The following CHRNA6 variants were observed in gnomAD, a reference collection of about 807,000 sequenced individuals.
CHRNA6 encodes cholinergic receptor nicotinic alpha 6 subunit, also known as neuronal acetylcholine receptor subunit alpha-6.
A neutral mutation model predicts 40.9 loss-of-function variants in CHRNA6; 31 were observed. The ratio of observed to expected loss-of-function variants is 0.76; its 90% CI spans 0.57 to 1.02. The LOEUF (loss-of-function observed/expected upper bound fraction) is 1.02. CHRNA6 is among the 50% of genes least tolerant of loss of function. The probability of loss-of-function intolerance (pLI) is 0.00; values close to 1 mark genes in which losing one functional copy is unlikely to be tolerated. For synonymous variants in CHRNA6, 222 were observed against 221.3 expected, an observed-to-expected ratio of 1.00 and a Z score of -0.03; for missense variants, 546 against 596.6, an observed-to-expected ratio of 0.92 and a Z score of 0.88.
chr8:42,764,400 T>C (rs1816944666), intron 2 of CHRNA6, among the ~76,000 whole-genome samples: 1 of 152,022 alleles, frequency 6.6e-6, no homozygotes, highest in South Asian at 2.1e-4. Context: ...CAATCTCGGC[T>C]CACTGCAGCC....
In CHRNA6 at chr8:42,756,986, C is replaced by T. The variant is rs772909612; in HGVS notation, c.316G>A (p.Glu106Lys). ...TTATCTGCAGGAACGCGAAGAGTCT[C>T]AATGCCATCATATTCCATTGGATCC... Reference protein sequence around the residue: ...RWDPMEYDGIETLRVPADKIW... With the variant: ...RWDPMEYDGIKTLRVPADKIW... The change falls in exon 4 of 6, where the codon GAG becomes AAG. Residue 106 changes from glutamate (E) to lysine (K), a missense_variant. By Grantham distance (56) the Glu-to-Lys change is moderately conservative. This residue lies in a region of CHRNA6 where 476 missense variants were observed against 494.5 expected (regional missense o/e 0.96). Coordinates refer to ENST00000276410, the MANE Select transcript of CHRNA6 (RefSeq NM_004198.3). 1 of 1,613,982 alleles carries T rather than the reference C, an allele frequency of 6.2e-7. No homozygotes were observed. The highest frequency in any genetic ancestry group is 1.7e-5 in the Admixed American group (1 of 60,030).
In CHRNA6 at chr8:42,752,877, T is replaced by C; in HGVS notation, c.*302A>G. 1 of 248,242 alleles carries C rather than the reference T, an allele frequency of 4.0e-6. No individual in the cohort carries two copies. The allele number at this position is 248,242 out of a possible 1,614,324, so 15.4% of individuals were successfully genotyped here. ...TGTTAATTACATAATTAGGCTGTATTGTAAGTCATTCTTGTCTTTAGAAGC... is the reference window on the plus strand; with the variant it reads ...TGTTAATTACATAATTAGGCTGTATCGTAAGTCATTCTTGTCTTTAGAAGC... On this transcript the variant is annotated 3_prime_UTR_variant, in exon 6 of 6. Coordinates refer to ENST00000276410, the MANE Select transcript of CHRNA6 (RefSeq NM_004198.3).
rs984086531 is a variant in CHRNA6 at position 42,752,625 on chromosome 8, T to G, written c.*554A>C. On this transcript the variant is annotated 3_prime_UTR_variant, in exon 6 of 6. Coordinates refer to ENST00000276410, the MANE Select transcript of CHRNA6 (RefSeq NM_004198.3). ...CACCACACCTGACCAAACTGTTTTTTTTTTTTTTTTTTTAAAACTAACAAT... is the reference window on the plus strand; with the variant it reads ...CACCACACCTGACCAAACTGTTTTTGTTTTTTTTTTTTTAAAACTAACAAT... 8.8e-5 allele frequency: 13 copies of G among 147,138 alleles called. No individual in the cohort carries two copies. Among genetic ancestry groups the G allele is most frequent in the African/African-American group, 3.1e-4 (12 of 38,212 alleles). 9.1% of individuals were successfully genotyped at this position (147,138 alleles called of 1,614,324 possible).
chr8:42,766,684 A>G (rs546976541), intron 1 of CHRNA6, among the ~76,000 whole-genome samples: 120 of 152,186 alleles, frequency 7.9e-4, no homozygotes, highest in Non-Finnish European at 1.6e-3. Context: ...GGGGAGCTGA[A>G]CAATGAGGAC....
At chr8:42,759,692 G>T (rs1816867128) in intron 2 of CHRNA6, among the ~76,000 whole-genome samples, 1 of 152,064 alleles carries the variant, frequency 6.6e-6, no homozygotes, top group African/African-American at 2.4e-5. Flanking sequence ...GAGGTTAGGA[G>T]TTCGAGACCA....
intron 2 of CHRNA6, among the ~76,000 whole-genome samples, chr8:42,760,390 A>G (rs1331923966): frequency 1.3e-5 from 2 of 151,954 alleles, no homozygotes; most frequent in Admixed American, 6.6e-5. Flanking sequence ...CCACTCATGA[A>G]TTCTCATACA....
At chr8:42,765,227 G>A in intron 1 of CHRNA6, 23 bp from the exon 2 acceptor site, 1 of 1,611,508 alleles carries the variant, frequency 6.2e-7, no homozygotes, top group East Asian at 2.2e-5. Flanking sequence ...ACAAAGGGGA[G>A]AGTTAGAGCC....
chr8:42,756,904 G>GCTA (rs1475714474), intron 4 of CHRNA6, 24 bp downstream of exon 4: 6 of 1,610,250 alleles, frequency 3.7e-6, no homozygotes, highest in Middle Eastern at 1.6e-4. Context: ...TTGGAAAGAG[G>GCTA]CTACGGTGGT....
At chr8:42,762,867 G>A (rs569657623) in intron 2 of CHRNA6, among the ~76,000 whole-genome samples, 75 of 152,318 alleles carry the variant, frequency 4.9e-4, no homozygotes, top group Middle Eastern at 3.4e-3. Context: ...GGGCAGATTA[G>A]TGGGAGAAAC....
At chr8:42,753,434 A>T in intron 5 of CHRNA6, 124 bp from the exon 6 acceptor site, 1 of 913,680 alleles carries the variant, frequency 1.1e-6, no homozygotes, top group Non-Finnish European at 1.7e-6. Flanking sequence ...TAAAGCAAAT[A>T]TCAGCTGGGT....
chr8:42,766,468 G>GGC (rs1816976418), intron 1 of CHRNA6, among the ~76,000 whole-genome samples: 1 of 147,246 alleles, frequency 6.8e-6, no homozygotes, highest in South Asian at 2.1e-4. Flanking sequence ...CTCCAGCCTG[G>GGC]GCGACAGAGT....
In CHRNA6 at chr8:42,753,096, G is replaced by A. The variant is rs74432466; in HGVS notation, c.*83C>T. The A allele has an allele frequency of 7.5e-7, 1 of 1,338,648 alleles. No individual in the cohort carries two copies. Among genetic ancestry groups the A allele is most frequent in the African/African-American group, 1.5e-5 (1 of 68,012 alleles). The allele number at this position is 1,338,648 out of a possible 1,614,324, so 82.9% of individuals were successfully genotyped here. On this transcript the variant is annotated 3_prime_UTR_variant, in exon 6 of 6. Transcript: ENST00000276410. ...AGCAGATGGGGGACTTGGGTGGGAA[G>A]CCTTTGCTTTCCTTTCCTTGTGGCA...
chr8:42,756,989 T>C lies in CHRNA6; in HGVS notation c.313A>G (p.Ile105Val), dbSNP rs762757187. ...LRWDPMEYDG[I>V]ETLRVPADKI... ...TCTGCAGGAACGCGAAGAGTCTCAA[T>C]GCCATCATATTCCATTGGATCCCAG... Residue 105 changes from isoleucine (I) to valine (V), a missense_variant, in exon 4 of 6, where the codon ATT (isoleucine) becomes GTT (valine). By Grantham distance (29) the Ile-to-Val change is conservative. This residue lies in a region of CHRNA6 where 476 missense variants were observed against 494.5 expected (regional missense o/e 0.96). Coordinates refer to ENST00000276410, the MANE Select transcript of CHRNA6 (RefSeq NM_004198.3). 2.5e-6 allele frequency: 4 copies of C among 1,613,840 alleles called. No individual in the cohort carries two copies. In the South Asian group the frequency reaches 4.4e-5, roughly 18 times the overall value.
intron 1 of CHRNA6, 59 bp from the exon 2 acceptor site, chr8:42,765,263 A>T: frequency 1.0e-5 from 16 of 1,570,798 alleles, no homozygotes; most frequent in Non-Finnish European, 1.4e-5. Context: ...CACTGCAGCG[A>T]TTCTAGGCAA....
At chr8:42,768,126 C>T (rs915215943) in intron 1 of CHRNA6, among the ~76,000 whole-genome samples, 1 of 152,178 alleles carries the variant, frequency 6.6e-6, no homozygotes, top group African/African-American at 2.4e-5. Flanking sequence ...TGGGTTTGCA[C>T]TATGTTTCCT....
Position 42,765,104 on chromosome 8 carries a change from C to A in CHRNA6, c.180G>T (p.Thr60=), listed in dbSNP as rs369926018. The change falls in exon 2 of 6, where the codon ACG becomes ACT. Residue 60 remains threonine, a synonymous_variant. Coordinates refer to ENST00000276410, the MANE Select transcript of CHRNA6 (RefSeq NM_004198.3). ...GGGTGATGGCCACTTCAAAGTGTAC[C>A]GTGACAGGGTCGGAAACGTTTTCCA... is the stretch of plus-strand genomic sequence containing the variant. ...RPVENVSDPV[T]VHFEVAITQL... 3.7e-6 allele frequency: 6 copies of A among 1,614,044 alleles called. No individual in the cohort carries two copies. Among genetic ancestry groups the A allele is most frequent in the Non-Finnish European group, 5.1e-6 (6 of 1,180,030 alleles).
At chr8:42,762,075 G>A (rs1563625910) in intron 2 of CHRNA6, among the ~76,000 whole-genome samples, 2 of 152,092 alleles carry the variant, frequency 1.3e-5, no homozygotes, top group Non-Finnish European at 2.9e-5. Context: ...CTTCCAGGTA[G>A]AGCCCTGGTG....
intron 1 of CHRNA6, among the ~76,000 whole-genome samples, chr8:42,767,068 T>C (rs1296455325): frequency 1.3e-5 from 2 of 152,142 alleles, no homozygotes; most frequent in Admixed American, 6.5e-5. Flanking sequence ...CCCAGGTTCA[T>C]GCCATTCTCC....
At chr8:42,757,994 C>G (rs1458641584) in intron 3 of CHRNA6, among the ~76,000 whole-genome samples, 1 of 151,470 alleles carries the variant, frequency 6.6e-6, no homozygotes. Context: ...GAGATCGCGC[C>G]ACTGGACTCC....
Sources: gnomAD v4.1 joint callset for allele counts (sites outside exome capture counted in the v4.1 genomes callset) on GRCh38, gnomAD v4.1.1 for gene constraint, gnomAD v4.1.1 regional missense constraint, MANE v1.5 for transcripts, NCBI Gene and HGNC (gene_info 2026-07-23, HGNC 2026-07-21) for gene names.